The following HAPLN2 variants were observed in gnomAD, a reference collection of about 807,000 sequenced individuals.
HAPLN2 encodes the protein brain link protein-1.
In HAPLN2, 27 loss-of-function variants were observed where a neutral mutation model predicts 29.3. The observed-to-expected ratio is 0.92, with a 90% CI of 0.68 to 1.27. The LOEUF is 1.27. Ranked by LOEUF, HAPLN2 falls within the 50% of genes most tolerant of loss-of-function variation. The pLI is 0.00. For synonymous variants in HAPLN2, 208 were observed against 211.7 expected (o/e 0.98, Z 0.15); for missense variants, 454 against 484.3 (o/e 0.94, Z 0.59).
the HAPLN2 span, among the ~76,000 whole-genome samples, chr1:156,614,143 C>G: frequency 6.6e-6 from 1 of 151,978 alleles, no homozygotes; most frequent in African/African-American, 2.4e-5. Context: ...CATCACTTTC[C>G]TGGTCTATAA....
chr1:156,610,929 A>G, the HAPLN2 span, among the ~76,000 whole-genome samples: 1 of 152,258 alleles, frequency 6.6e-6, no homozygotes, highest in Non-Finnish European at 1.5e-5. Flanking sequence ...GTTTCATAAC[A>G]AACATAAAAA....
At chr1:156,620,415 A>G (rs1678179377) in intron 2 of HAPLN2, among the ~76,000 whole-genome samples, 1 of 152,198 alleles carries the variant, frequency 6.6e-6, no homozygotes, top group Non-Finnish European at 1.5e-5. Flanking sequence ...TGGGAGGAGT[A>G]AATATAAAAA....
chr1:156,611,445 A>T, the HAPLN2 span, among the ~76,000 whole-genome samples: 78 of 152,214 alleles, frequency 5.1e-4, no homozygotes, highest in African/African-American at 1.8e-3. Context: ...CGCGCCTGTA[A>T]TCCCAGCTAC....
intron 6 of HAPLN2, 126 bp downstream of exon 6, chr1:156,624,909 G>GGGGGCGCCCCCCCC: frequency 1.0e-6 from 1 of 999,520 alleles, no homozygotes; most frequent in Non-Finnish European, 1.4e-6. Flanking sequence ...CCCCCCATCA[G>GGGGGCGCCCCCCCC]CCCGCCCGCC....
At chr1:156,610,138 C>T in the HAPLN2 span, among the ~76,000 whole-genome samples, 4 of 151,910 alleles carry the variant, frequency 2.6e-5, no homozygotes, top group Non-Finnish European at 5.9e-5. Flanking sequence ...CGCTTGAACC[C>T]AGGAGGTGGA....
upstream of HAPLN2, among the ~76,000 whole-genome samples, chr1:156,615,904 TATCTCTTAAAAAAATTTTTAGAGATCCC>T (rs1678046325): frequency 6.9e-6 from 1 of 144,046 alleles, no homozygotes; most frequent in Non-Finnish European, 1.5e-5. Flanking sequence ...TTAGAGATCC[TATCTCTTAAAAAAATTTTTAGAGATCCC>T]ATCTGTTAAA....
chr1:156,617,237 G>C (rs1447214881), upstream of HAPLN2, among the ~76,000 whole-genome samples: 1 of 152,014 alleles, frequency 6.6e-6, no homozygotes, highest in African/African-American at 2.4e-5. Flanking sequence ...AAACTTCTAG[G>C]CTTGACTCAA....
In HAPLN2 at chr1:156,624,117, C is replaced by T. The variant is rs757340343; in HGVS notation, c.396C>T (p.Asn132=). 3.1e-6 allele frequency: 5 copies of T among 1,613,650 alleles called. No homozygotes were observed. The highest frequency in any genetic ancestry group is 3.4e-6 in the Non-Finnish European group (4 of 1,179,896). The change falls in exon 4 of 7, where the codon AAC becomes AAT. Residue 132 remains asparagine, a synonymous_variant. Transcript: ENST00000255039. ...GCCGGTACCGCTGCGAGCTCATCAA[C>T]GGCATCGAGGACGAGAGCGTGGCGC... ...DEGRYRCELI[N]GIEDESVALT... is the part of the protein sequence containing the mutation.
chr1:156,616,720 C>T (rs1678066893), upstream of HAPLN2, among the ~76,000 whole-genome samples: 1 of 151,902 alleles, frequency 6.6e-6, no homozygotes, highest in African/African-American at 2.4e-5. Context: ...GAGAGACAGT[C>T]GTGGGAGGAG....
chr1:156,605,015 C>T, the HAPLN2 span, among the ~76,000 whole-genome samples: 1 of 151,828 alleles, frequency 6.6e-6, no homozygotes, highest in Non-Finnish European at 1.5e-5. Flanking sequence ...CCTGTAATCC[C>T]AGCACTTTGG....
upstream of HAPLN2, among the ~76,000 whole-genome samples, chr1:156,615,657 G>A (rs980498817): frequency 1.4e-5 from 2 of 145,728 alleles, no homozygotes; most frequent in Non-Finnish European, 3.0e-5. Context: ...TGCGACCTCC[G>A]CCTCCTGGGT....
the HAPLN2 span, among the ~76,000 whole-genome samples, chr1:156,607,927 T>G: frequency 6.6e-6 from 1 of 152,000 alleles, no homozygotes. Flanking sequence ...TATTATTCAC[T>G]TTTCTTTCTG....
intron 4 of HAPLN2, 40 bp from the exon 5 acceptor site, chr1:156,624,311 C>T: frequency 5.1e-6 from 8 of 1,558,764 alleles, no homozygotes; most frequent in Non-Finnish European, 7.0e-6. Context: ...CCCTCCGCTC[C>T]CATCCGCTGG....
chr1:156,623,494 C>A lies in HAPLN2; in HGVS notation c.4C>A (p.Pro2Thr). 1 of 1,614,066 alleles carries A rather than the reference C, an allele frequency of 6.2e-7. No individual in the cohort carries two copies. Among genetic ancestry groups the A allele is most frequent in the South Asian group, 1.1e-5 (1 of 91,058 alleles). The change falls in exon 3 of 7, where the codon CCA becomes ACA. Residue 2 changes from proline to threonine, a missense_variant. Physicochemically the swap from Pro to Thr is conservative, Grantham distance 38 (BLOSUM62 -1). Around this residue, in one of 3 missense-constraint regions of HAPLN2, gnomAD observed 204 missense variants for 209.2 expected, o/e 0.98. Transcript: ENST00000255039. ...GGTGCCGGGCTGACCCCCCATCATG[C>A]CAGGCTGGCTCACCCTCCCCACACT... M[P>T]GWLTLPTLCR...
Position 156,624,716 on chromosome 1 carries a change from C to A in HAPLN2, c.672C>A (p.Arg224=). ...GCGGCCGAGGCCGGCCCGGGATCCG[C>A]AGCTACGGACCCCGCGACCGGATGC... The part of the protein sequence containing the change: ...PCGGRGRPGI[R]SYGPRDRMRD... The change falls in exon 6 of 7, where the codon CGC becomes CGA. Residue 224 remains arginine (R), a synonymous_variant. Transcript: ENST00000255039. 6.3e-7 allele frequency: 1 copy of A among 1,583,214 alleles called. No homozygotes were observed. Among genetic ancestry groups the A allele is most frequent in the Non-Finnish European group, 8.5e-7 (1 of 1,169,612 alleles).
the HAPLN2 span, among the ~76,000 whole-genome samples, chr1:156,611,599 A>T: frequency 6.6e-6 from 1 of 152,114 alleles, no homozygotes; most frequent in African/African-American, 2.4e-5. Flanking sequence ...AAAAACCCCT[A>T]AAACTTAAAG....
At chr1:156,604,150 G>T in the HAPLN2 span, among the ~76,000 whole-genome samples, 199 of 152,228 alleles carry the variant, frequency 1.3e-3, no homozygotes, top group Middle Eastern at 0.017. Context: ...AAGATGCATA[G>T]AAATATTTAT....
chr1:156,610,375 C>T, the HAPLN2 span, among the ~76,000 whole-genome samples: 6 of 152,080 alleles, frequency 3.9e-5, no homozygotes, highest in East Asian at 1.9e-4. Flanking sequence ...CGGTGGCTTA[C>T]GCCTGTAATC....
intron 2 of HAPLN2, 139 bp from the exon 3 acceptor site, chr1:156,623,328 C>T (rs1225803654): frequency 1.2e-5 from 8 of 646,576 alleles, no homozygotes; most frequent in Non-Finnish European, 2.1e-5. Flanking sequence ...CATTTTGTCA[C>T]CAACCCCTTT....
Sources: allele counts gnomAD v4.1 joint callset (sites outside exome capture counted in the v4.1 genomes callset), GRCh38; gene constraint gnomAD v4.1.1; regional missense constraint gnomAD v4.1.1; transcripts MANE v1.5; gene names NCBI Gene and HGNC (gene_info 2026-07-23, HGNC 2026-07-21).